Variants in BCAS4 observed in about 807,000 individuals in gnomAD.
The protein encoded by BCAS4 is breast carcinoma-amplified sequence 4.
BCAS4 carries 9 observed loss-of-function variants against 15.7 expected under a neutral mutation model. The observed-to-expected ratio is 0.57, with a 90% confidence interval of 0.34 to 1.00. BCAS4 has a LOEUF of 1.00. Among genes scored for constraint, BCAS4 ranks in the 50% least tolerant of loss-of-function variants. The probability of loss-of-function intolerance (pLI) is 0.02; values close to 1 mark genes in which losing one functional copy is unlikely to be tolerated. For missense variants in BCAS4, 225 were observed against 239.1 expected (o/e 0.94, Z 0.39); for synonymous variants, 101 against 99.5 (o/e 1.02, Z -0.09).
intron 4 of BCAS4, among the ~76,000 whole-genome samples, chr20:50,865,389 C>T (rs1979306707): frequency 6.6e-6 from 1 of 152,094 alleles, no homozygotes; most frequent in African/African-American, 2.4e-5. Flanking sequence ...TTGGAGGGTG[C>T]CGTGACACCG....
At chr20:50,829,002 G>T (rs564022214) in intron 2 of BCAS4, among the ~76,000 whole-genome samples, 28 of 152,174 alleles carry the variant, frequency 1.8e-4, no homozygotes, top group Non-Finnish European at 4.0e-4. Flanking sequence ...GCTCAGAGAG[G>T]TGCAGTGAGT....
chr20:50,831,999 A>T (rs1440221221), intron 3 of BCAS4, among the ~76,000 whole-genome samples: 1 of 152,198 alleles, frequency 6.6e-6, no homozygotes, highest in African/African-American at 2.4e-5. Context: ...GAGGAAAGAA[A>T]ATGTGAAGAC....
At position 50,868,489 on chromosome 20, in the gene BCAS4, C is replaced by CA. The variant is rs539090360; in HGVS notation, c.400-7996dup. 3.9e-5 allele frequency among the ~76,000 whole-genome samples: 6 copies of CA among 152,328 alleles called. No homozygotes were observed. The South Asian group carries it at 8.3e-4, about 21-fold the overall frequency. ...CCAGCCTATAGTGCAGTGGCACAAT[C>CA]ACGGCTCACTGCAGCCTCGACCTCC... On this transcript the variant is annotated intron_variant, in intron 4 of 4. Coordinates refer to ENST00000371608, the MANE Select transcript of BCAS4 (RefSeq NM_198799.4).
intron 1 of BCAS4, among the ~76,000 whole-genome samples, chr20:50,817,062 A>C (rs1232332210): frequency 6.6e-6 from 1 of 151,078 alleles, no homozygotes; most frequent in African/African-American, 2.4e-5. Context: ...CAGCCTCCCA[A>C]AGTGCTGGGA....
At position 50,841,854 on chromosome 20, in the gene BCAS4, C is replaced by T; in HGVS notation, c.353C>T (p.Ala118Val). Reference protein sequence around the residue: ...AERDHGAFPQALRRWLGSAGL... With the variant: ...AERDHGAFPQVLRRWLGSAGL... Reference sequence around the variant, plus strand: ...CGGGACCATGGGGCCTTCCCTCAGGCCCTGCGGAGGTGGCTGGGATCCGCA... The same window carrying T: ...CGGGACCATGGGGCCTTCCCTCAGGTCCTGCGGAGGTGGCTGGGATCCGCA... The change falls in exon 4 of 5, where the codon GCC becomes GTC. Residue 118 changes from alanine (A) to valine (V), a missense_variant. Physicochemically the swap from Ala to Val is moderately conservative, Grantham distance 64. Transcript: ENST00000371608. 1 of 1,609,574 alleles carries T rather than the reference C, an allele frequency of 6.2e-7. No individual in the cohort carries two copies. Among genetic ancestry groups the T allele is most frequent in the Non-Finnish European group, 8.5e-7 (1 of 1,177,344 alleles).
intron 4 of BCAS4, among the ~76,000 whole-genome samples, chr20:50,849,318 A>G (rs56941795): frequency 0.36 from 54,161 of 152,196 alleles, 12,973 homozygotes; most frequent in African/African-American, 0.69. Context: ...GCACAGAGCG[A>G]TGCTGCCCTG....
rs571429599 is a variant in BCAS4, at chr20:50,851,787, A to G, written c.399+9887A>G. On this transcript the variant is annotated intron_variant, in intron 4 of 4. Coordinates refer to ENST00000371608, the MANE Select transcript of BCAS4 (RefSeq NM_198799.4). The surrounding 1 kb of genome is among the most constrained non-coding windows in gnomAD (Gnocchi z 4.3). Reference sequence around the variant, plus strand: ...TCCCGCTCCCCACCTGGCAATGTTCATTATTGTTCAAAGCCCCAGTCACAC... The same window carrying G: ...TCCCGCTCCCCACCTGGCAATGTTCGTTATTGTTCAAAGCCCCAGTCACAC... 2.6e-5 allele frequency among the ~76,000 whole-genome samples: 4 copies of G among 152,184 alleles called. No homozygotes were observed. The highest frequency in any genetic ancestry group is 3.9e-4 in the East Asian group (2 of 5,154).
intron 4 of BCAS4, among the ~76,000 whole-genome samples, chr20:50,861,464 C>T (rs1568682888): frequency 6.6e-6 from 1 of 152,200 alleles, no homozygotes; most frequent in African/African-American, 2.4e-5. Flanking sequence ...GACAAGGGTG[C>T]GGTGTTTCCC....
chr20:50,808,046 T>A (rs1030758121), intron 1 of BCAS4, among the ~76,000 whole-genome samples: 3 of 152,046 alleles, frequency 2.0e-5, no homozygotes, highest in Non-Finnish European at 4.4e-5. Context: ...TAGCTGGGAT[T>A]ACAGGCGCCC....
chr20:50,810,861 A>T (rs2088053120), intron 1 of BCAS4, among the ~76,000 whole-genome samples: 1 of 152,096 alleles, frequency 6.6e-6, no homozygotes, highest in Non-Finnish European at 1.5e-5. Context: ...AAGTGCTGGG[A>T]TTACAGGTGT....
At chr20:50,796,452 C>CATATATATATATAT (rs1245993218) in intron 1 of BCAS4, among the ~76,000 whole-genome samples, 1 of 21,158 alleles carries the variant, frequency 4.7e-5, no homozygotes, top group African/African-American at 2.0e-4. Context: ...TCTTTTTCTC[C>CATATATATATATAT]ATATATATAT....
At position 50,851,833 on chromosome 20, in the gene BCAS4, G is replaced by T. The variant is rs538896315; in HGVS notation, c.399+9933G>T. On this transcript the variant is annotated intron_variant, in intron 4 of 4. Coordinates refer to ENST00000371608, the MANE Select transcript of BCAS4 (RefSeq NM_198799.4). This position sits in a 1 kb window ranked among gnomAD's most constrained non-coding sequence, Gnocchi z 4.3. ...CACACGGTCCCACCCCTGGGAAGCC[G>T]CCTGGGTTCCCCCAGCCAGCCTTCC... 6.6e-6 allele frequency among the ~76,000 whole-genome samples: 1 copy of T among 152,334 alleles called. No homozygotes were observed. Among genetic ancestry groups the T allele is most frequent in the African/African-American group, 2.4e-5 (1 of 41,590 alleles).
chr20:50,829,622 C>T (rs1195725591), intron 2 of BCAS4, among the ~76,000 whole-genome samples: 5 of 152,036 alleles, frequency 3.3e-5, no homozygotes, highest in Admixed American at 6.6e-5. Flanking sequence ...TGGAATCTCT[C>T]GTTCTCTCTC....
At chr20:50,830,465 G>C in intron 3 of BCAS4, 85 bp downstream of exon 3, 1 of 1,107,050 alleles carries the variant, frequency 9.0e-7, no homozygotes, top group Non-Finnish European at 1.3e-6. Flanking sequence ...CTGGCCTTGA[G>C]CATGTCAGGC....
At chr20:50,795,025 C>G (rs2087833424), upstream of BCAS4, 2 of 1,415,358 alleles carry the variant, frequency 1.4e-6, no homozygotes, top group Non-Finnish European at 1.9e-6. Flanking sequence ...GCTCCGAGGC[C>G]CGGGCGCAAC....
rs540644718 is a variant in BCAS4 at position 50,856,952 on chromosome 20, C to T, written c.399+15052C>T. Among the ~76,000 whole-genome samples, 16 of 152,252 alleles carry T rather than the reference C, an allele frequency of 1.1e-4. No individual in the cohort carries two copies. In the South Asian group the frequency reaches 2.7e-3, roughly 26 times the overall value. ...TTGAAGCAGTATCAGAACTGGCTCCCGTAACTGTGATTTAGTTTAAATGTT... is the reference window on the plus strand; with the variant it reads ...TTGAAGCAGTATCAGAACTGGCTCCTGTAACTGTGATTTAGTTTAAATGTT... On this transcript the variant is annotated intron_variant, in intron 4 of 4. Transcript: ENST00000371608.
intron 4 of BCAS4, among the ~76,000 whole-genome samples, chr20:50,848,500 G>C (rs957937370): frequency 6.6e-6 from 1 of 152,222 alleles, no homozygotes; most frequent in Admixed American, 6.5e-5. Context: ...GCAGAGTGGA[G>C]AGAGAGAAGG....
At chr20:50,840,574 G>T (rs1239951427) in intron 3 of BCAS4, 2 of 1,546,398 alleles carry the variant, frequency 1.3e-6, no homozygotes, top group Non-Finnish European at 1.8e-6. Context: ...AGAAGGCAAT[G>T]CTTGTGGAAT....
At chr20:50,827,503 T>A (rs954680808) in intron 2 of BCAS4, among the ~76,000 whole-genome samples, 2 of 152,218 alleles carry the variant, frequency 1.3e-5, no homozygotes, top group Non-Finnish European at 2.9e-5. Flanking sequence ...TTTGTGCACA[T>A]TTACTTTGTA....
Sources: gnomAD v4.1 joint callset for allele counts (sites outside exome capture counted in the v4.1 genomes callset) on GRCh38, gnomAD v4.1.1 for gene constraint, Gnocchi (gnomAD v3.1) non-coding constraint, MANE v1.5 for transcripts, NCBI Gene and HGNC (gene_info 2026-07-23, HGNC 2026-07-21) for gene names.